Variants in PPP2R5C observed in about 807,000 individuals in gnomAD.
The protein encoded by PPP2R5C is protein phosphatase 2 regulatory subunit B'gamma, also known as serine/threonine-protein phosphatase 2A 56 kDa regulatory subunit gamma isoform.
PPP2R5C carries 7 observed loss-of-function variants against 68.9 expected under a neutral mutation model. That is an observed-to-expected ratio of 0.10 (90% CI 0.06 to 0.19). The LOEUF is 0.19. PPP2R5C is among the 10% of genes least tolerant of loss of function. PPP2R5C has a pLI of 1.00. For missense variants in PPP2R5C, 348 were observed against 641.3 expected (o/e 0.54, Z 4.94); for synonymous variants, 210 against 222.2 (o/e 0.95, Z 0.49).
chr14:101,815,145 G>A (rs187184195), intron 1 of PPP2R5C, among the ~76,000 whole-genome samples: 2 of 151,862 alleles, frequency 1.3e-5, no homozygotes, highest in East Asian at 1.9e-4. Context: ...ACTCACTACC[G>A]CCCCTGCCTT....
At chr14:101,886,122 A>G (rs539615270) in intron 5 of PPP2R5C, among the ~76,000 whole-genome samples, 1 of 152,260 alleles carries the variant, frequency 6.6e-6, no homozygotes, top group Non-Finnish European at 1.5e-5. Context: ...TCTACTAAAA[A>G]TACAAAAAAT....
At chr14:101,809,689 A>G (rs2039236597), upstream of PPP2R5C, 1 of 610,740 alleles carries the variant, frequency 1.6e-6, no homozygotes, top group Non-Finnish European at 2.4e-6. Flanking sequence ...CGAAGGCTGC[A>G]AAAAGCCGGA....
chr14:101,848,495 G>A (rs565896123), intron 1 of PPP2R5C, among the ~76,000 whole-genome samples: 6 of 151,694 alleles, frequency 4.0e-5, no homozygotes, highest in Admixed American at 6.6e-5. Flanking sequence ...CCAAGATCAC[G>A]CCACTGCACT....
At chr14:101,811,753 G>A (rs879444967) in intron 1 of PPP2R5C, among the ~76,000 whole-genome samples, 2 of 151,888 alleles carry the variant, frequency 1.3e-5, no homozygotes, top group Non-Finnish European at 2.9e-5. Context: ...AAATCTTTTT[G>A]GTTTGTGTTT....
At chr14:101,912,722 A>G in intron 12 of PPP2R5C, 1 of 697,284 alleles carries the variant, frequency 1.4e-6, no homozygotes, top group Non-Finnish European at 2.0e-6. Context: ...AATCTTATGC[A>G]TATACTGTGG....
intron 2 of PPP2R5C, among the ~76,000 whole-genome samples, chr14:101,878,251 A>G (rs933862685): frequency 3.3e-5 from 5 of 152,190 alleles, no homozygotes; most frequent in African/African-American, 1.2e-4. Context: ...CAGCCACACC[A>G]GGGTTTAGGT....
chr14:101,795,029 G>A (rs2038543225), intron 3 of PPP2R5C, among the ~76,000 whole-genome samples: 1 of 152,164 alleles, frequency 6.6e-6, no homozygotes, highest in African/African-American at 2.4e-5. Context: ...TGGTGAGAGT[G>A]GGCATACTTG....
intron 8 of PPP2R5C, among the ~76,000 whole-genome samples, chr14:101,896,572 A>T (rs189879848): frequency 6.6e-6 from 1 of 151,620 alleles, no homozygotes; most frequent in Admixed American, 6.6e-5. Context: ...CATCTCTACA[A>T]AAAATACAAA....
At chr14:101,784,957 T>C (rs2038021793) in intron 2 of PPP2R5C, among the ~76,000 whole-genome samples, 3 of 152,162 alleles carry the variant, frequency 2.0e-5, no homozygotes, top group Non-Finnish European at 4.4e-5. Context: ...CTTTGGCCTC[T>C]GTGGATGACA....
intron 2 of PPP2R5C, among the ~76,000 whole-genome samples, chr14:101,772,558 G>A (rs1362650549): frequency 6.6e-6 from 1 of 152,128 alleles, no homozygotes; most frequent in African/African-American, 2.4e-5. Flanking sequence ...ACTTTGGGAG[G>A]CCGAGTCGGG....
chr14:101,883,171 C>A, intron 3 of PPP2R5C, 86 bp from the exon 6 acceptor site: 1 of 931,440 alleles, frequency 1.1e-6, no homozygotes, highest in Non-Finnish European at 1.6e-6. Flanking sequence ...TATTTGCATA[C>A]CAATAAAGAT....
At position 101,917,734 on chromosome 14, in the gene PPP2R5C, G is replaced by T. The variant is rs946621740; in HGVS notation, c.1327-97G>T. On this transcript the variant is annotated intron_variant, in intron 12 of 13. Coordinates refer to ENST00000334743, the Ensembl canonical transcript of PPP2R5C. The surrounding 1 kb of genome is among the most constrained non-coding windows in gnomAD (Gnocchi z 4.4). ...TGGGCTTCCTGCGGGAGAGGGCCCTGGGGGGCGGCAGGGGAGATGAGTCCC... is the reference window on the plus strand; with the variant it reads ...TGGGCTTCCTGCGGGAGAGGGCCCTTGGGGGCGGCAGGGGAGATGAGTCCC... 2.6e-6 allele frequency: 4 copies of T among 1,542,694 alleles called. No individual in the cohort carries two copies. The South Asian group carries it at 3.5e-5, about 14-fold the overall frequency.
At chr14:101,804,039 A>G (rs72715651) in intron 3 of PPP2R5C, among the ~76,000 whole-genome samples, 583 of 152,326 alleles carry the variant, frequency 3.8e-3, no homozygotes, top group Admixed American at 8.6e-3. Context: ...AAAAAAACTA[A>G]TAATCCGATC....
upstream of PPP2R5C, among the ~76,000 whole-genome samples, chr14:101,809,463 T>C (rs954552830): frequency 2.0e-5 from 3 of 149,920 alleles, no homozygotes; most frequent in African/African-American, 4.9e-5. Flanking sequence ...TAATTAGAAC[T>C]AGCAAGTCGA....
At chr14:101,863,535 C>T (rs2042879481) in intron 2 of PPP2R5C, among the ~76,000 whole-genome samples, 1 of 152,172 alleles carries the variant, frequency 6.6e-6, no homozygotes, top group African/African-American at 2.4e-5. Context: ...CAAAAAGTTT[C>T]AGAGCTACTT....
chr14:101,769,084 A>G (rs533232385), intron 2 of PPP2R5C, among the ~76,000 whole-genome samples: 73 of 152,296 alleles, frequency 4.8e-4, no homozygotes, highest in Non-Finnish European at 9.4e-4. Context: ...TCGGCCTCCC[A>G]AAGTGCTGGG....
At chr14:101,834,128 T>A (rs1178559277) in intron 1 of PPP2R5C, among the ~76,000 whole-genome samples, 3 of 152,300 alleles carry the variant, frequency 2.0e-5, no homozygotes, top group Admixed American at 2.0e-4. Flanking sequence ...TTTGACATTG[T>A]CTCTTCCTCT....
intron 9 of PPP2R5C, 64 bp downstream of exon 11, chr14:101,901,953 C>T (rs2045716095): frequency 6.5e-7 from 1 of 1,540,248 alleles, no homozygotes; most frequent in Non-Finnish European, 8.9e-7. Context: ...GGAAAAGTTC[C>T]ATGCGTAGCT....
chr14:101,882,294 C>G lies in PPP2R5C; in HGVS notation c.405+23C>G. ...CAGGTATCGGGCTCTGGGTGATAGA[C>G]TCGGAGGGCACTGGTGACACATGGG... On this transcript the variant is annotated intron_variant, in intron 3 of 13. Coordinates refer to ENST00000334743, the Ensembl canonical transcript of PPP2R5C. The surrounding 1 kb of genome is among the most constrained non-coding windows in gnomAD (Gnocchi z 4.9). The G allele has an allele frequency of 6.4e-7, 1 of 1,558,634 alleles. No individual in the cohort carries two copies. The highest frequency in any genetic ancestry group is 8.8e-7 in the Non-Finnish European group (1 of 1,138,084).
Sources: gnomAD v4.1 joint callset for allele counts (sites outside exome capture counted in the v4.1 genomes callset) on GRCh38, gnomAD v4.1.1 for gene constraint, Gnocchi (gnomAD v3.1) non-coding constraint, MANE v1.5 for transcripts, NCBI Gene and HGNC (gene_info 2026-07-23, HGNC 2026-07-21) for gene names.